NPAS2: variants seen among roughly 807,000 people sequenced by gnomAD.
NPAS2 encodes the protein neuronal PAS domain protein 2.
In NPAS2, 23 loss-of-function variants were observed where a neutral mutation model predicts 107.5. That is an observed-to-expected ratio of 0.21 (90% CI 0.15 to 0.30). The LOEUF is 0.30. Ranked by LOEUF, NPAS2 falls within the 10% of genes least tolerant of loss-of-function variation. The pLI is 1.00. For missense variants in NPAS2, 756 were observed against 1,043.3 expected (o/e 0.72, Z 3.79); for synonymous variants, 403 against 417.5 (o/e 0.97, Z 0.42).
Position 100,964,088 on chromosome 2 carries a change from A to G in NPAS2, c.629A>G (p.Asn210Ser). 6.2e-7 allele frequency: 1 copy of G among 1,613,962 alleles called. No individual in the cohort carries two copies. Among genetic ancestry groups the G allele is most frequent in the Non-Finnish European group, 8.5e-7 (1 of 1,179,912 alleles). ...VPSPSCNGFD[N>S]TLSRPCRVPL... ...AGCCCCTCCTGTAATGGTTTTGACA[A>G]CACCCTTTCAAGACCTTGCCGGGTG... Residue 210 changes from asparagine to serine, a missense_variant, in exon 8 of 21, where the codon AAC becomes AGC. Physicochemically the swap from Asn to Ser is conservative, Grantham distance 46. Transcript: ENST00000335681.
At chr2:100,840,811 A>G (rs1677351810) in intron 1 of NPAS2, among the ~76,000 whole-genome samples, 1 of 151,982 alleles carries the variant, frequency 6.6e-6, no homozygotes, top group African/African-American at 2.4e-5. Context: ...AGGGGCAAAC[A>G]GCAGTTTGAT....
chr2:100,955,814 T>C (rs945659383), intron 7 of NPAS2, among the ~76,000 whole-genome samples: 6 of 152,138 alleles, frequency 3.9e-5, no homozygotes, highest in Admixed American at 3.9e-4. Flanking sequence ...TGGAGGCCAG[T>C]AGCCCCCTTA....
rs80079066 is a variant in NPAS2 at position 100,857,874 on chromosome 2, C to T, written c.-23+37460C>T. On this transcript the variant is annotated intron_variant, in intron 1 of 20. Transcript: ENST00000335681. The stretch of plus-strand genomic sequence containing the variant: ...CACTTGGTCTCTCTTATGTCTGCTT[C>T]GGAGAGCTCAAGCTGCCTCCTGGCA... Among the ~76,000 whole-genome samples the T allele has an allele frequency of 1.9e-3, 292 of 152,310 alleles. 4 individuals carry two copies. The East Asian group carries it at 0.039, about 20-fold the overall frequency.
intron 7 of NPAS2, among the ~76,000 whole-genome samples, chr2:100,953,840 A>G (rs1257052969): frequency 6.6e-6 from 1 of 152,194 alleles, no homozygotes; most frequent in Non-Finnish European, 1.5e-5. Context: ...TGATGCCTAC[A>G]ATGCCTGTGC....
chr2:100,919,708 C>A (rs1485416390), intron 2 of NPAS2, among the ~76,000 whole-genome samples: 25 of 152,216 alleles, frequency 1.6e-4, no homozygotes, highest in African/African-American at 6.0e-4. Context: ...CGTGCCTCCC[C>A]ACCCTATCCT....
chr2:100,857,109 C>T (rs1678624728), intron 1 of NPAS2, among the ~76,000 whole-genome samples: 2 of 152,202 alleles, frequency 1.3e-5, no homozygotes, highest in South Asian at 4.1e-4. Flanking sequence ...AGTTCGAGAC[C>T]AGCCTGGTCA....
At chr2:100,975,231 C>T (rs561607564) in intron 13 of NPAS2, 5 of 586,448 alleles carry the variant, frequency 8.5e-6, no homozygotes, top group African/African-American at 3.7e-5. Context: ...TCAGGCAGCT[C>T]ATTGGACCAA....
rs187901018 is a variant in NPAS2 at position 100,880,880 on chromosome 2, T to C, written c.-22-23853T>C. ...CAGGGAGGAGGGAGAGCAGTATTTTTGCTCAGCAGGAAAAACTGACTCATA... is the reference window on the plus strand; with the variant it reads ...CAGGGAGGAGGGAGAGCAGTATTTTCGCTCAGCAGGAAAAACTGACTCATA... On this transcript the variant is annotated intron_variant, in intron 1 of 20. Transcript: ENST00000335681. Among the ~76,000 whole-genome samples, 3 of 152,330 alleles carry C rather than the reference T, an allele frequency of 2.0e-5. No homozygotes were observed. The East Asian group carries it at 5.8e-4, about 29-fold the overall frequency.
At chr2:100,874,144 C>G (rs1679805478) in intron 1 of NPAS2, among the ~76,000 whole-genome samples, 1 of 151,982 alleles carries the variant, frequency 6.6e-6, no homozygotes, top group Non-Finnish European at 1.5e-5. Flanking sequence ...GCCACCACAC[C>G]TGGCTAATTT....
chr2:100,853,736 G>A (rs1678368448), intron 1 of NPAS2, among the ~76,000 whole-genome samples: 1 of 152,152 alleles, frequency 6.6e-6, no homozygotes, highest in African/African-American at 2.4e-5. Context: ...GAACAAAGGG[G>A]AGCCCCAGGG....
intron 1 of NPAS2, among the ~76,000 whole-genome samples, chr2:100,832,035 C>T (rs1260064715): frequency 2.0e-5 from 3 of 152,164 alleles, no homozygotes. Flanking sequence ...CCTGGCAAGG[C>T]TCCAGCTGCT....
At chr2:100,842,081 G>GCGCGCGCGCGCGCGCACACACA in intron 1 of NPAS2, among the ~76,000 whole-genome samples, 1 of 148,798 alleles carries the variant, frequency 6.7e-6, no homozygotes, top group African/African-American at 2.5e-5. Flanking sequence ...GCATGTACGC[G>GCGCGCGCGCGCGCGCACACACA]CACACACACA....
chr2:100,877,949 A>G (rs1680089436), intron 1 of NPAS2: 1 of 984,064 alleles, frequency 1.0e-6, no homozygotes, highest in Non-Finnish European at 1.2e-6. Flanking sequence ...CTGAAACACT[A>G]CATAAAAAGT....
intron 1 of NPAS2, among the ~76,000 whole-genome samples, chr2:100,851,324 A>G (rs1004664693): frequency 5.9e-5 from 9 of 152,242 alleles, no homozygotes; most frequent in African/African-American, 1.9e-4. Flanking sequence ...TTTAAAAATC[A>G]AAAATCCTGA....
At chr2:100,884,068 G>A (rs1680552053) in intron 1 of NPAS2, among the ~76,000 whole-genome samples, 1 of 152,120 alleles carries the variant, frequency 6.6e-6, no homozygotes, top group Non-Finnish European at 1.5e-5. Context: ...CTCCAAAACC[G>A]GGGGCAGGTG....
rs142441763 is a variant in NPAS2 at position 100,825,476 on chromosome 2, C to A, written c.-23+5062C>A. 3.1e-3 allele frequency among the ~76,000 whole-genome samples: 476 copies of A among 152,234 alleles called. 5 individuals carry two copies. The highest frequency in any genetic ancestry group is 0.011 in the African/African-American group (453 of 41,544). Reference sequence around the variant, plus strand: ...TAAAAATTTTCAAATAGCACAGAACCATTTCTAGTAGAAAGAAAAAAAATT... The same window carrying A: ...TAAAAATTTTCAAATAGCACAGAACAATTTCTAGTAGAAAGAAAAAAAATT... On this transcript the variant is annotated intron_variant, in intron 1 of 20. Transcript: ENST00000335681.
At position 100,944,728 on chromosome 2, in the gene NPAS2, G is replaced by A. The variant is rs543338489; in HGVS notation, c.364-3507G>A. On this transcript the variant is annotated intron_variant, in intron 5 of 20. Transcript: ENST00000335681. Reference sequence around the variant, plus strand: ...AAGCACAGTCTGGGGCCCTTTCTGTGTGTTAATTCACCATCCTCGCAACCT... The same window carrying A: ...AAGCACAGTCTGGGGCCCTTTCTGTATGTTAATTCACCATCCTCGCAACCT... 3.9e-5 allele frequency among the ~76,000 whole-genome samples: 6 copies of A among 152,292 alleles called. No individual in the cohort carries two copies. In the East Asian group the frequency reaches 9.6e-4, roughly 24 times the overall value.
intron 1 of NPAS2, among the ~76,000 whole-genome samples, chr2:100,899,901 G>C (rs1681663757): frequency 6.6e-6 from 1 of 152,108 alleles, no homozygotes; most frequent in Non-Finnish European, 1.5e-5. Flanking sequence ...GGGCGTGGTG[G>C]GGGTGGTGGT....
At chr2:100,835,922 C>A (rs1171575675) in intron 1 of NPAS2, among the ~76,000 whole-genome samples, 2 of 152,208 alleles carry the variant, frequency 1.3e-5, no homozygotes, top group Non-Finnish European at 2.9e-5. Flanking sequence ...AAAGGAAATA[C>A]ATGCAAGCAA....
Sources: allele counts gnomAD v4.1 joint callset (sites outside exome capture counted in the v4.1 genomes callset), GRCh38; gene constraint gnomAD v4.1.1; transcripts MANE v1.5; gene names NCBI Gene and HGNC (gene_info 2026-07-23, HGNC 2026-07-21).